C1GALT1: variants seen among roughly 807,000 people sequenced by gnomAD.
The protein encoded by C1GALT1 is core 1 synthase, glycoprotein-N-acetylgalactosamine 3-beta-galactosyltransferase 1, also known as glycoprotein-N-acetylgalactosamine 3-beta-galactosyltransferase 1.
In C1GALT1, 11 loss-of-function variants were observed where a neutral mutation model predicts 31.0. The observed-to-expected ratio is 0.36, with a 90% CI of 0.22 to 0.59. The LOEUF is 0.59. C1GALT1 is among the 20% of genes least tolerant of loss of function. C1GALT1 has a pLI of 0.79. For missense variants in C1GALT1, 424 were observed against 425.2 expected, an observed-to-expected ratio of 1.00 and a Z score of 0.03; for synonymous variants, 175 against 143.6, an observed-to-expected ratio of 1.22 and a Z score of -1.56.
At chr7:7,181,028 G>A (rs1276687767), upstream of C1GALT1, among the ~76,000 whole-genome samples, 1 of 152,118 alleles carries the variant, frequency 6.6e-6, no homozygotes, top group African/African-American at 2.4e-5. Context: ...CTTATTTTAG[G>A]AAAGGGTTCT....
At chr7:7,223,673 T>G (rs775565277) in intron 1 of C1GALT1, among the ~76,000 whole-genome samples, 1 of 152,192 alleles carries the variant, frequency 6.6e-6, no homozygotes, top group Admixed American at 6.5e-5. Context: ...TGAGATTTCC[T>G]TCACAGTCAC....
intron 2 of C1GALT1, among the ~76,000 whole-genome samples, chr7:7,162,380 C>T (rs1780343489): frequency 6.7e-6 from 1 of 149,482 alleles, no homozygotes; most frequent in Non-Finnish European, 1.5e-5. Flanking sequence ...GTTTTTTGTC[C>T]TTGCGATAGT....
chr7:7,226,934 GTGTATATATATATT>G (rs1270392862), intron 1 of C1GALT1, among the ~76,000 whole-genome samples: 1 of 152,150 alleles, frequency 6.6e-6, no homozygotes, highest in Non-Finnish European at 1.5e-5. Flanking sequence ...GTATGTATAT[GTGTATATATATATT>G]TGTACATGTG....
chr7:7,194,015 C>G (rs142489786), intron 1 of C1GALT1, among the ~76,000 whole-genome samples: 6 of 152,040 alleles, frequency 3.9e-5, no homozygotes, highest in African/African-American at 1.4e-4. Context: ...GATTTGTGTA[C>G]ATTAATTTTG....
At chr7:7,204,095 CTGTTTTTTTTTTTT>C in intron 1 of C1GALT1, among the ~76,000 whole-genome samples, 1 of 97,798 alleles carries the variant, frequency 1.0e-5, no homozygotes, top group South Asian at 3.6e-4. Flanking sequence ...CCCTCCTCTT[CTGTTTTTTTTTTTT>C]TGTTTTTTTG....
intron 1 of C1GALT1, among the ~76,000 whole-genome samples, chr7:7,227,897 T>C (rs1422118938): frequency 6.6e-6 from 1 of 152,186 alleles, no homozygotes; most frequent in Non-Finnish European, 1.5e-5. Flanking sequence ...CCTCCGTAAC[T>C]GTAAGAAATA....
intron 2 of C1GALT1, chr7:7,235,145 T>C (rs1253230345): frequency 2.0e-5 from 3 of 152,316 alleles, no homozygotes; most frequent in African/African-American, 7.2e-5. Context: ...TGTGACATCA[T>C]TAACCCGCAT....
chr7:7,223,609 C>T (rs184237776), intron 1 of C1GALT1, among the ~76,000 whole-genome samples: 106 of 151,768 alleles, frequency 7.0e-4, no homozygotes, highest in African/African-American at 2.4e-3. Context: ...TATCTTATAT[C>T]CTGTGACCTT....
intron 1 of C1GALT1, among the ~76,000 whole-genome samples, chr7:7,223,768 C>G (rs754517932): frequency 1.3e-5 from 2 of 151,916 alleles, no homozygotes; most frequent in Non-Finnish European, 2.9e-5. Flanking sequence ...TTATTTTTCT[C>G]CTTTATTATA....
At position 7,202,563 on chromosome 7, in the gene C1GALT1, C is replaced by G. The variant is rs567770058; in HGVS notation, c.-18+19743C>G. Among the ~76,000 whole-genome samples, 10 of 152,206 alleles carry G rather than the reference C, an allele frequency of 6.6e-5. No homozygotes were observed. In the South Asian group the frequency reaches 1.9e-3, roughly 28 times the overall value. ...TGAGATGCTTTTTTTCCTCTGAATT[C>G]TTTATTTCATTGTTCTGTATGTCTG... On this transcript the variant is annotated intron_variant, in intron 1 of 3. Coordinates refer to ENST00000436587, the MANE Select transcript of C1GALT1 (RefSeq NM_020156.5).
intron 2 of C1GALT1, among the ~76,000 whole-genome samples, chr7:7,235,960 C>G (rs142073036): frequency 4.9e-4 from 74 of 152,318 alleles, no homozygotes; most frequent in African/African-American, 1.6e-3. Context: ...CATGTACCTG[C>G]ACTCAACCAA....
chr7:7,223,439 AGGT>A lies in C1GALT1; in HGVS notation c.-17-10862_-17-10860del, dbSNP rs546781827. On this transcript the variant is annotated intron_variant, in intron 1 of 3. Coordinates refer to ENST00000436587, the MANE Select transcript of C1GALT1 (RefSeq NM_020156.5). The stretch of plus-strand genomic sequence containing the variant: ...CAGCCTCCGAAAGTGCTAGGATTAC[AGGT>A]GTGAACCACAGTGCCTGGCCACACA... Among the ~76,000 whole-genome samples the A allele has an allele frequency of 6.2e-4, 94 of 152,348 alleles. 2 individuals carry two copies. In the South Asian group the frequency reaches 0.012, roughly 19 times the overall value.
At chr7:7,222,401 T>C (rs1047494577) in intron 1 of C1GALT1, among the ~76,000 whole-genome samples, 8 of 152,364 alleles carry the variant, frequency 5.3e-5, no homozygotes, top group African/African-American at 1.9e-4. Context: ...TCTGGCTCTT[T>C]GACAACATTT....
At chr7:7,195,279 C>G (rs895128727) in intron 1 of C1GALT1, among the ~76,000 whole-genome samples, 19 of 152,110 alleles carry the variant, frequency 1.2e-4, no homozygotes, top group Non-Finnish European at 2.1e-4. Flanking sequence ...TCTGTTTATG[C>G]TCTTTCAGAC....
chr7:7,230,067 T>C (rs532162512), intron 1 of C1GALT1, among the ~76,000 whole-genome samples: 1 of 152,322 alleles, frequency 6.6e-6, no homozygotes, highest in South Asian at 2.1e-4. Context: ...AGGGTTTTTC[T>C]TCCCAAACTG....
intron 3 of C1GALT1, among the ~76,000 whole-genome samples, chr7:7,242,732 T>C (rs556258339): frequency 6.6e-6 from 1 of 152,154 alleles, no homozygotes; most frequent in Non-Finnish European, 1.5e-5. Flanking sequence ...TTTTAAACTT[T>C]GTTCTCATAC....
intron 1 of C1GALT1, among the ~76,000 whole-genome samples, chr7:7,192,812 A>G (rs543661216): frequency 2.8e-4 from 43 of 152,152 alleles, no homozygotes; most frequent in African/African-American, 1.0e-3. Flanking sequence ...TGATGCCAAC[A>G]TCTATTATTT....
At chr7:7,199,869 T>C (rs561226129) in intron 1 of C1GALT1, among the ~76,000 whole-genome samples, 1 of 152,178 alleles carries the variant, frequency 6.6e-6, no homozygotes, top group South Asian at 2.1e-4. Flanking sequence ...CAGCCCTTGC[T>C]TTTTTTTGTT....
chr7:7,172,818 A>C (rs997516869), intron 2 of C1GALT1, among the ~76,000 whole-genome samples: 1 of 152,210 alleles, frequency 6.6e-6, no homozygotes, highest in Non-Finnish European at 1.5e-5. Flanking sequence ...ATCATTATCA[A>C]GCAAAGTCCA....
Sources: allele counts gnomAD v4.1 joint callset (sites outside exome capture counted in the v4.1 genomes callset), GRCh38; gene constraint gnomAD v4.1.1; transcripts MANE v1.5; gene names NCBI Gene and HGNC (gene_info 2026-07-23, HGNC 2026-07-21).